Variants in RYR3 observed in about 807,000 individuals in gnomAD.
The protein encoded by RYR3 is brain ryanodine receptor-calcium release channel.
RYR3 carries 207 observed loss-of-function variants against 584.3 expected under a neutral mutation model. The ratio of observed to expected loss-of-function variants is 0.35; its 90% CI spans 0.32 to 0.40. RYR3 has a LOEUF of 0.40. Among genes scored for constraint, RYR3 ranks in the 10% least tolerant of loss-of-function variants. The pLI is 1.00. For synonymous variants in RYR3, 2,416 were observed against 2,248.5 expected (o/e 1.07, Z -2.11); for missense variants, 5,616 against 6,089.2 (o/e 0.92, Z 2.59).
At chr15:33,454,461 T>C (rs1034487515) in intron 1 of RYR3, among the ~76,000 whole-genome samples, 3 of 152,132 alleles carry the variant, frequency 2.0e-5, no homozygotes, top group African/African-American at 7.2e-5. Flanking sequence ...CAAGCGAAAC[T>C]CCATCCATCA....
At position 33,772,158 on chromosome 15, in the gene RYR3, T is replaced by C; in HGVS notation, c.9055T>C (p.Leu3019=). Residue 3019 remains leucine, a splice_region_variant and synonymous_variant, in exon 63 of 104, where the codon TTG becomes CTG. Coordinates refer to ENST00000634891, the MANE Select transcript of RYR3 (RefSeq NM_001036.6). ...TQHQFGMDLL[L]GDVQISCYHI... ...GCATCAGTTTGGAATGGATCTACTC[T>C]GTGAGTTCTACTGGTATTTGTCGTG... 3.1e-6 allele frequency: 5 copies of C among 1,594,174 alleles called. No homozygotes were observed. The highest frequency in any genetic ancestry group is 4.3e-6 in the Non-Finnish European group (5 of 1,162,928).
rs182170034 is a variant in RYR3, at chr15:33,322,483, G to A, written c.51+11387G>A. 1.4e-3 allele frequency among the ~76,000 whole-genome samples: 216 copies of A among 152,180 alleles called. 2 individuals are homozygous for A. Among genetic ancestry groups the A allele is most frequent in the Non-Finnish European group, 2.5e-3 (169 of 67,982 alleles). Reference sequence around the variant, plus strand: ...ACCATGACCCAAACACCTCCCACAAGGGCCCACCTCCAACACTGGGGATTA... The same window carrying A: ...ACCATGACCCAAACACCTCCCACAAAGGCCCACCTCCAACACTGGGGATTA... On this transcript the variant is annotated intron_variant, in intron 1 of 103. Transcript: ENST00000634891.
intron 10 of RYR3, among the ~76,000 whole-genome samples, chr15:33,554,382 G>A (rs938400167): frequency 2.7e-5 from 4 of 145,924 alleles, no homozygotes; most frequent in African/African-American, 5.1e-5. Flanking sequence ...TGCAAGCTCC[G>A]CCTCCCGGCT....
chr15:33,827,063 G>A, intron 84 of RYR3, 136 bp from the exon 85 acceptor site: 2 of 768,210 alleles, frequency 2.6e-6, no homozygotes, highest in Admixed American at 4.4e-5. Context: ...TGCCCTGCAG[G>A]ATCTGCCATG....
intron 9 of RYR3, among the ~76,000 whole-genome samples, chr15:33,548,615 A>T (rs1287104174): frequency 6.6e-6 from 1 of 152,204 alleles, no homozygotes; most frequent in African/African-American, 2.4e-5. Flanking sequence ...GCGATTGCAT[A>T]AGATAAGGAA....
At chr15:33,738,051 C>T (rs1467913088) in intron 49 of RYR3, among the ~76,000 whole-genome samples, 1 of 152,094 alleles carries the variant, frequency 6.6e-6, no homozygotes, top group African/African-American at 2.4e-5. Context: ...TATCAGCATC[C>T]CCCAAAGATC....
intron 1 of RYR3, among the ~76,000 whole-genome samples, chr15:33,418,548 G>A (rs1344364190): frequency 6.6e-6 from 1 of 152,102 alleles, no homozygotes; most frequent in Admixed American, 6.6e-5. Flanking sequence ...CAGGTAGCAA[G>A]AGGAGGAAAG....
At chr15:33,456,955 A>G (rs548450496) in intron 1 of RYR3, among the ~76,000 whole-genome samples, 1 of 152,368 alleles carries the variant, frequency 6.6e-6, no homozygotes, top group South Asian at 2.1e-4. Context: ...GGGATGATAA[A>G]TACTGCATAA....
intron 19 of RYR3, among the ~76,000 whole-genome samples, chr15:33,620,499 C>T (rs1245423464): frequency 6.6e-6 from 1 of 152,098 alleles, no homozygotes; most frequent in Non-Finnish European, 1.5e-5. Context: ...TATTTAGCAT[C>T]CTCTGAATTA....
intron 3 of RYR3, among the ~76,000 whole-genome samples, chr15:33,520,579 G>C (rs940315648): frequency 1.3e-5 from 2 of 152,126 alleles, no homozygotes; most frequent in African/African-American, 4.8e-5. Flanking sequence ...ATTAGCTACA[G>C]GAGAAGGTGG....
intron 12 of RYR3, among the ~76,000 whole-genome samples, chr15:33,579,334 T>G (rs991191622): frequency 6.6e-6 from 1 of 151,854 alleles, no homozygotes; most frequent in Non-Finnish European, 1.5e-5. Context: ...GAAAAACACA[T>G]GCAGAGATCT....
chr15:33,749,541 C>A (rs1383507363), intron 55 of RYR3, among the ~76,000 whole-genome samples: 4 of 152,188 alleles, frequency 2.6e-5, no homozygotes, highest in Non-Finnish European at 5.9e-5. Context: ...ATCTTATTTA[C>A]AGCACTTTCC....
intron 2 of RYR3, among the ~76,000 whole-genome samples, chr15:33,483,015 A>G (rs2050108967): frequency 6.6e-6 from 1 of 151,902 alleles, no homozygotes; most frequent in Non-Finnish European, 1.5e-5. Context: ...CCATTGACCT[A>G]TTTTATATTT....
chr15:33,743,202 C>G (rs938470581), intron 52 of RYR3, among the ~76,000 whole-genome samples: 2 of 152,132 alleles, frequency 1.3e-5, no homozygotes, highest in Non-Finnish European at 2.9e-5. Context: ...CACCTTGAAC[C>G]ACCAGCTCAG....
Position 33,785,872 on chromosome 15 carries a change from G to T in RYR3, c.9479G>T (p.Cys3160Phe). 1 of 1,613,904 alleles carries T rather than the reference G, an allele frequency of 6.2e-7. No individual in the cohort carries two copies. Among genetic ancestry groups the T allele is most frequent in the East Asian group, 2.2e-5 (1 of 44,884 alleles). Residue 3160 changes from cysteine (C) to phenylalanine (F), a missense_variant, in exon 66 of 104, where the codon TGC becomes TTC. Around this residue, in one of 9 missense-constraint regions of RYR3, gnomAD observed 954 missense variants for 1,132.2 expected, o/e 0.84. Coordinates refer to ENST00000634891, the MANE Select transcript of RYR3 (RefSeq NM_001036.6). ...AACCTGCCCCCCAGCACAGGGCCAT[G>T]CTGCACCAAGGTCACCTCTGAACAC... ...PENLPPSTGP[C>F]CTKVTSEHLS...
intron 102 of RYR3, 81 bp from the exon 103 acceptor site, chr15:33,864,057 T>G: frequency 9.4e-7 from 1 of 1,061,726 alleles, no homozygotes; most frequent in Non-Finnish European, 1.4e-6. Context: ...CTAGCCTTTC[T>G]GAGCCCTGAT....
rs961039380 is a variant in RYR3 at position 33,748,492 on chromosome 15, C to G, written c.8161C>G (p.Leu2721Val). 1 of 1,613,326 alleles carries G rather than the reference C, an allele frequency of 6.2e-7. No homozygotes were observed. The highest frequency in any genetic ancestry group is 1.3e-5 in the African/African-American group (1 of 74,908). The change falls in exon 55 of 104, where the codon CTC becomes GTC. Residue 2721 changes from leucine (L) to valine (V), a missense_variant. Coordinates refer to ENST00000634891, the MANE Select transcript of RYR3 (RefSeq NM_001036.6). ...GGGCAACAGCTACAGTCCTGCTCCC[C>G]TCGACCTCTCAAACGTTGTGCTCTC... Reference protein sequence around the residue: ...NQGNSYSPAPLDLSNVVLSRE... With the variant: ...NQGNSYSPAPVDLSNVVLSRE...
intron 19 of RYR3, among the ~76,000 whole-genome samples, chr15:33,620,574 A>G (rs143543200): frequency 6.6e-6 from 1 of 152,230 alleles, no homozygotes; most frequent in African/African-American, 2.4e-5. Flanking sequence ...GCCCACTTTC[A>G]TATACTCAGA....
chr15:33,549,802 G>C (rs1243708936), intron 9 of RYR3, among the ~76,000 whole-genome samples: 1 of 152,162 alleles, frequency 6.6e-6, no homozygotes, highest in Non-Finnish European at 1.5e-5. Context: ...GTTTGGAAAG[G>C]CTTTCCCAGA....
Sources: gnomAD v4.1 joint callset for allele counts (sites outside exome capture counted in the v4.1 genomes callset) on GRCh38, gnomAD v4.1.1 for gene constraint, gnomAD v4.1.1 regional missense constraint, MANE v1.5 for transcripts, NCBI Gene and HGNC (gene_info 2026-07-23, HGNC 2026-07-21) for gene names.